Variants in SDC2 observed in about 807,000 individuals in gnomAD.
The protein encoded by SDC2 is syndecan 2.
SDC2 carries 13 observed loss-of-function variants against 22.2 expected under a neutral mutation model. The observed-to-expected ratio is 0.59, with a 90% confidence interval of 0.38 to 0.93. The LOEUF (loss-of-function observed/expected upper bound fraction) is 0.93, where lower values mean the gene tolerates loss of function less well. SDC2 is among the 40% of genes least tolerant of loss of function. The probability of loss-of-function intolerance (pLI) is 0.00; values close to 1 mark genes in which losing one functional copy is unlikely to be tolerated. For missense variants in SDC2, 235 were observed against 246.8 expected (o/e 0.95, Z 0.32); for synonymous variants, 94 against 92.8 (o/e 1.01, Z -0.07).
intron 1 of SDC2, among the ~76,000 whole-genome samples, chr8:96,570,961 A>G (rs570748651): frequency 6.6e-6 from 1 of 152,272 alleles, no homozygotes; most frequent in East Asian, 1.9e-4. Flanking sequence ...GTTTGGGATG[A>G]TGAAAGGTCT....
chr8:96,531,715 G>A (rs1036639403), intron 1 of SDC2, among the ~76,000 whole-genome samples: 3 of 152,152 alleles, frequency 2.0e-5, no homozygotes, highest in Non-Finnish European at 4.4e-5. Context: ...TTAGGAAACC[G>A]TGGTTACTTG....
intron 1 of SDC2, among the ~76,000 whole-genome samples, chr8:96,515,296 C>T (rs1249307381): frequency 2.6e-5 from 4 of 152,014 alleles, no homozygotes; most frequent in Non-Finnish European, 5.9e-5. Context: ...ATTCTCCTCT[C>T]TTCTCCTTTG....
chr8:96,508,032 C>A (rs1009595325), intron 1 of SDC2, among the ~76,000 whole-genome samples: 3 of 152,200 alleles, frequency 2.0e-5, no homozygotes, highest in African/African-American at 4.8e-5. Context: ...CGCGGTGGCT[C>A]ATGCCTGTAA....
chr8:96,557,588 T>A lies in SDC2; in HGVS notation c.61-35892T>A, dbSNP rs998127920. 4.9e-5 allele frequency among the ~76,000 whole-genome samples: 7 copies of A among 142,984 alleles called. No individual in the cohort carries two copies. In the South Asian group the frequency reaches 6.8e-4, roughly 14 times the overall value. The allele number at this position is 142,984 out of a possible 152,430, so 93.8% of individuals were successfully genotyped here. ...GGAACTGAACAATGAGATCACATGG[T>A]CACAGGAAGGGGAATATCACACTCT... is the stretch of plus-strand genomic sequence containing the variant. On this transcript the variant is annotated intron_variant, in intron 1 of 4. Transcript: ENST00000302190.
Position 96,609,365 on chromosome 8 carries a change from C to G in SDC2, c.443-20C>G. The G allele has an allele frequency of 6.3e-7, 1 of 1,599,764 alleles. No individual in the cohort carries two copies. The highest frequency in any genetic ancestry group is 8.5e-7 in the Non-Finnish European group (1 of 1,172,460). ...ACCCTTGAATCTCTTCTAAAGTAAT[C>G]TTCCTTTTGGTTGTTTCAGCTGTCA... On this transcript the variant is annotated intron_variant, in intron 4 of 4. Coordinates refer to ENST00000302190, the MANE Select transcript of SDC2 (RefSeq NM_002998.4).
intron 1 of SDC2, among the ~76,000 whole-genome samples, chr8:96,583,717 G>GTA (rs60809365): frequency 4.3e-5 from 5 of 116,640 alleles, no homozygotes; most frequent in East Asian, 2.5e-4. Flanking sequence ...GTGTGTGTGT[G>GTA]TATATATATA....
At chr8:96,604,829 G>A (rs969501402) in intron 3 of SDC2, among the ~76,000 whole-genome samples, 6 of 152,036 alleles carry the variant, frequency 3.9e-5, no homozygotes, top group South Asian at 2.1e-4. Flanking sequence ...GTCTTTTTGC[G>A]GATTCATTTT....
At chr8:96,506,500 G>A (rs974157306) in intron 1 of SDC2, among the ~76,000 whole-genome samples, 17 of 151,760 alleles carry the variant, frequency 1.1e-4, no homozygotes, top group Non-Finnish European at 1.8e-4. Flanking sequence ...TATAAGAGAC[G>A]GAGTCTCATT....
At chr8:96,604,633 T>C (rs567068753) in intron 3 of SDC2, among the ~76,000 whole-genome samples, 29 of 152,346 alleles carry the variant, frequency 1.9e-4, no homozygotes, top group African/African-American at 6.5e-4. Context: ...TTAATGTCAC[T>C]GTTACGGATA....
intron 1 of SDC2, among the ~76,000 whole-genome samples, chr8:96,556,123 C>G (rs1461094061): frequency 1.3e-5 from 2 of 151,792 alleles, no homozygotes; most frequent in Non-Finnish European, 2.9e-5. Context: ...AATCAGTTGA[C>G]TAGAAAGTTT....
At chr8:96,577,850 G>C (rs1814529871) in intron 1 of SDC2, among the ~76,000 whole-genome samples, 1 of 152,118 alleles carries the variant, frequency 6.6e-6, no homozygotes, top group African/African-American at 2.4e-5. Context: ...AGCCTCTTCA[G>C]ATTGGCTCCT....
chr8:96,499,630 G>A (rs1456805943), intron 1 of SDC2, among the ~76,000 whole-genome samples: 3 of 152,170 alleles, frequency 2.0e-5, no homozygotes, highest in African/African-American at 7.2e-5. Flanking sequence ...TTAAAAAAGT[G>A]TGTGTGTGTA....
intron 3 of SDC2, among the ~76,000 whole-genome samples, chr8:96,606,564 G>C (rs1204412346): frequency 3.3e-5 from 5 of 152,206 alleles, no homozygotes; most frequent in African/African-American, 1.2e-4. Context: ...AGAAGTGAAG[G>C]AGTAAGGAGA....
At chr8:96,506,557 A>G (rs567136088) in intron 1 of SDC2, among the ~76,000 whole-genome samples, 17 of 152,170 alleles carry the variant, frequency 1.1e-4, no homozygotes, top group African/African-American at 9.6e-5. Context: ...GCTCACTGCA[A>G]CCTCGATCTC....
chr8:96,583,595 A>G (rs951050996), intron 1 of SDC2, among the ~76,000 whole-genome samples: 17 of 151,568 alleles, frequency 1.1e-4, no homozygotes, highest in Non-Finnish European at 1.9e-4. Flanking sequence ...AAAATTACAC[A>G]TAAATCCACC....
At position 96,494,183 on chromosome 8, in the gene SDC2, T is replaced by A; in HGVS notation, c.-89T>A. 1 of 1,353,232 alleles carries A rather than the reference T, an allele frequency of 7.4e-7. No individual in the cohort carries two copies. 83.8% of individuals were successfully genotyped at this position (1,353,232 alleles called of 1,614,324 possible). A position where few individuals can be genotyped will look rare whatever the true frequency, so the allele number is the denominator to read the frequency against. ...GCTGCGGTACTCTGCTCCGGATTCG[T>A]GTGCGCGGGCTGCGCCGAGCGCTGG... is the stretch of plus-strand genomic sequence containing the variant. On this transcript the variant is annotated 5_prime_UTR_variant, in exon 1 of 5. Coordinates refer to ENST00000302190, the MANE Select transcript of SDC2 (RefSeq NM_002998.4).
chr8:96,498,302 C>T (rs1813105439), intron 1 of SDC2, among the ~76,000 whole-genome samples: 2 of 152,072 alleles, frequency 1.3e-5, no homozygotes, highest in African/African-American at 4.8e-5. Flanking sequence ...CTTCAGTGGC[C>T]AGCGTGGAAC....
intron 1 of SDC2, among the ~76,000 whole-genome samples, chr8:96,549,161 A>T (rs1232164954): frequency 6.6e-6 from 1 of 152,202 alleles, no homozygotes; most frequent in Admixed American, 6.5e-5. Flanking sequence ...CTAAAATGAG[A>T]CACCAGTTTC....
Position 96,606,264 on chromosome 8 carries a change from T to G in SDC2, c.307-2071T>G, listed in dbSNP as rs187874391. On this transcript the variant is annotated intron_variant, in intron 3 of 4. Coordinates refer to ENST00000302190, the MANE Select transcript of SDC2 (RefSeq NM_002998.4). ...GTACACAGCACCATGCCTGGCTAAT[T>G]TTAAAAATTTTTTTGTAGAGACAAG... Among the ~76,000 whole-genome samples the G allele has an allele frequency of 1.4e-3, 199 of 143,958 alleles. 5 individuals carry two copies. In the East Asian group the frequency reaches 0.034, roughly 24 times the overall value. The allele number at this position is 143,958 out of a possible 152,430, so 94.4% of individuals were successfully genotyped here.
Sources: allele counts gnomAD v4.1 joint callset (sites outside exome capture counted in the v4.1 genomes callset), GRCh38; gene constraint gnomAD v4.1.1; transcripts MANE v1.5; gene names NCBI Gene and HGNC (gene_info 2026-07-23, HGNC 2026-07-21).